The following ZMYND12 variants were observed in gnomAD, a reference collection of about 807,000 sequenced individuals.
ZMYND12 encodes zinc finger MYND domain-containing protein 12.
A neutral mutation model predicts 41.7 loss-of-function variants in ZMYND12; 32 were observed. The observed-to-expected ratio is 0.77, with a 90% CI of 0.58 to 1.03. ZMYND12 has a LOEUF of 1.03. Ranked by LOEUF, ZMYND12 falls within the 50% of genes least tolerant of loss-of-function variation. ZMYND12 has a pLI of 0.00. For synonymous variants in ZMYND12, 148 were observed against 164.8 expected (o/e 0.90, Z 0.78); for missense variants, 424 against 438.5 (o/e 0.97, Z 0.30).
Position 42,449,989 on chromosome 1 carries a change from G to T in ZMYND12, c.181C>A (p.Arg61Ser), listed in dbSNP as rs36062501. Reference protein sequence around the residue: ...EKICQLLIPLRTSMPFYNSEE... With the variant: ...EKICQLLIPLSTSMPFYNSEE... ...GAATTGTAGAAGGGCATGGAAGTGCGCAGTGGAATCAAGAGCTGACATATT... is the reference window on the plus strand; with the variant it reads ...GAATTGTAGAAGGGCATGGAAGTGCTCAGTGGAATCAAGAGCTGACATATT... The change falls in exon 2 of 8, where the codon CGC (arginine) becomes AGC (serine). Residue 61 changes from arginine (R) to serine (S), a missense_variant. Transcript: ENST00000372565. 6.2e-7 allele frequency: 1 copy of T among 1,613,872 alleles called. No individual in the cohort carries two copies. The highest frequency in any genetic ancestry group is 8.5e-7 in the Non-Finnish European group (1 of 1,180,028).
In ZMYND12 at chr1:42,436,626, A is replaced by G. The variant is rs1642911332; in HGVS notation, c.595-83T>C. On this transcript the variant is annotated intron_variant, in intron 4 of 7. Coordinates refer to ENST00000372565, the MANE Select transcript of ZMYND12 (RefSeq NM_032257.5). ...TAAAGGACTTGTATCTAGAATACAT[A>G]CAAAAAACTGTTACAACATTCCAAT... 2.7e-6 allele frequency: 4 copies of G among 1,492,238 alleles called. No individual in the cohort carries two copies. The Admixed American group carries it at 8.5e-5, about 32-fold the overall frequency. The allele number at this position is 1,492,238 out of a possible 1,614,324, so 92.4% of individuals were successfully genotyped here.
In ZMYND12 at chr1:42,430,733, T is replaced by A; in HGVS notation, c.*3A>T. 2.5e-6 allele frequency: 4 copies of A among 1,614,042 alleles called. No homozygotes were observed. The highest frequency in any genetic ancestry group is 3.4e-6 in the Non-Finnish European group (4 of 1,179,914). On this transcript the variant is annotated 3_prime_UTR_variant, in exon 8 of 8. Transcript: ENST00000372565. Reference sequence around the variant, plus strand: ...TAACCCTTGATGCAGAGCTCATGGGTCACTAAGTAATGGGATGGTCTTCAG... The same window carrying A: ...TAACCCTTGATGCAGAGCTCATGGGACACTAAGTAATGGGATGGTCTTCAG...
At chr1:42,437,690 T>A (rs1642922886) in intron 4 of ZMYND12, among the ~76,000 whole-genome samples, 1 of 150,120 alleles carries the variant, frequency 6.7e-6, no homozygotes, top group Non-Finnish European at 1.5e-5. Flanking sequence ...TTTTCATATT[T>A]TTTTTTTTGG....
At chr1:42,433,324 T>C (rs1642874919) in intron 6 of ZMYND12, 36 bp from the exon 7 acceptor site, 1 of 1,580,846 alleles carries the variant, frequency 6.3e-7, no homozygotes, top group Non-Finnish European at 8.6e-7. Context: ...AAACAGGCTC[T>C]TGGCAACTGA....
At chr1:42,433,360 C>T in intron 6 of ZMYND12, 72 bp from the exon 7 acceptor site, 1 of 1,492,554 alleles carries the variant, frequency 6.7e-7, no homozygotes. Context: ...AAGCACTCAG[C>T]TGTTAAAGCG....
intron 7 of ZMYND12, 145 bp from the exon 8 acceptor site, chr1:42,431,003 A>G: frequency 8.4e-7 from 1 of 1,184,292 alleles, no homozygotes; most frequent in Non-Finnish European, 1.2e-6. Context: ...ATAAACCTGT[A>G]AACACACTGG....
rs781643501 is a variant in ZMYND12, at chr1:42,433,141, G to A, written c.975+2C>T. ...ACGTGTTGCTTTTTTAGGGAAACTT[G>A]CCTTTGAAGAATTCATCATCAGGTA... is the stretch of plus-strand genomic sequence containing the variant. On this transcript the variant is annotated splice_donor_variant, in intron 7 of 7. Coordinates refer to ENST00000372565, the MANE Select transcript of ZMYND12 (RefSeq NM_032257.5). LOFTEE classifies it low-confidence loss of function (GC_TO_GT_DONOR). The A allele has an allele frequency of 2.5e-6, 4 of 1,604,712 alleles. 1 individual carries two copies. Among genetic ancestry groups the A allele is most frequent in the South Asian group, 2.3e-5 (2 of 88,312 alleles).
At chr1:42,431,794 TAGTGCCCTGTGCACTGTGCTCCCAC>T (rs1257073404) in intron 7 of ZMYND12, among the ~76,000 whole-genome samples, 1 of 152,184 alleles carries the variant, frequency 6.6e-6, no homozygotes, top group Non-Finnish European at 1.5e-5. Context: ...CAGGTAGGGT[TAGTGCCCTGTGCACTGTGCTCCCAC>T]AGTGCTCTGG....
At chr1:42,446,196 T>G (rs1359733289) in intron 3 of ZMYND12, among the ~76,000 whole-genome samples, 1 of 152,072 alleles carries the variant, frequency 6.6e-6, no homozygotes, top group African/African-American at 2.4e-5. Flanking sequence ...CGGGGATTGA[T>G]TCATACAGGG....
intron 4 of ZMYND12, among the ~76,000 whole-genome samples, chr1:42,438,184 A>G (rs1570348396): frequency 6.6e-6 from 1 of 152,202 alleles, no homozygotes; most frequent in African/African-American, 2.4e-5. Flanking sequence ...TGTAGAGTAT[A>G]GAGAGGAAAC....
At chr1:42,452,479 G>C (rs2148411140) in intron 1 of ZMYND12, among the ~76,000 whole-genome samples, 1 of 152,214 alleles carries the variant, frequency 6.6e-6, no homozygotes, top group East Asian at 1.9e-4. Flanking sequence ...GAGGAGGGCG[G>C]ATCACAAGGT....
intron 1 of ZMYND12, among the ~76,000 whole-genome samples, chr1:42,452,358 T>C (rs1271800221): frequency 6.6e-6 from 1 of 152,190 alleles, no homozygotes; most frequent in Non-Finnish European, 1.5e-5. Flanking sequence ...TGCAAACCTA[T>C]GGTACTGAAG....
chr1:42,436,694 G>T (rs889219706), intron 4 of ZMYND12, 151 bp from the exon 5 acceptor site: 4 of 922,014 alleles, frequency 4.3e-6, no homozygotes, highest in Non-Finnish European at 4.7e-6. Context: ...TCTCCAAAAA[G>T]ATATTCAGAT....
intron 3 of ZMYND12, among the ~76,000 whole-genome samples, chr1:42,445,098 G>A (rs980814098): frequency 2.7e-5 from 4 of 150,458 alleles, no homozygotes; most frequent in African/African-American, 7.3e-5. Flanking sequence ...GTGAGCCACC[G>A]TGCCCGGCCA....
At chr1:42,454,473 T>C (rs1251390370) in intron 1 of ZMYND12, among the ~76,000 whole-genome samples, 1 of 152,194 alleles carries the variant, frequency 6.6e-6, no homozygotes, top group Non-Finnish European at 1.5e-5. Flanking sequence ...TATGAGAAGG[T>C]ACTGCAACAG....
intron 1 of ZMYND12, 62 bp from the exon 2 acceptor site, chr1:42,450,121 C>T (rs1396095027): frequency 6.3e-7 from 1 of 1,583,432 alleles, no homozygotes; most frequent in African/African-American, 1.3e-5. Flanking sequence ...ATTCCATTAA[C>T]CCTCCTACTG....
At chr1:42,438,614 C>A (rs1642931686) in intron 4 of ZMYND12, among the ~76,000 whole-genome samples, 1 of 152,164 alleles carries the variant, frequency 6.6e-6, no homozygotes, top group Admixed American at 6.5e-5. Flanking sequence ...ACTCTCCAAA[C>A]CCAACCAAGG....
chr1:42,430,908 C>T (rs1321395965), intron 7 of ZMYND12, 50 bp from the exon 8 acceptor site: 3 of 1,608,034 alleles, frequency 1.9e-6, no homozygotes, highest in Non-Finnish European at 2.6e-6. Context: ...GAAAGCATAA[C>T]ACTGGGAAGC....
chr1:42,431,781 T>G (rs922465977), intron 7 of ZMYND12, among the ~76,000 whole-genome samples: 1 of 152,206 alleles, frequency 6.6e-6, no homozygotes, highest in Non-Finnish European at 1.5e-5. Context: ...CCTACCCCTA[T>G]CCCAGGTAGG....
Sources: gnomAD v4.1 joint callset for allele counts (sites outside exome capture counted in the v4.1 genomes callset) on GRCh38, gnomAD v4.1.1 for gene constraint, MANE v1.5 for transcripts, NCBI Gene and HGNC (gene_info 2026-07-23, HGNC 2026-07-21) for gene names.